The following RAB38 variants were observed in gnomAD, a reference collection of about 807,000 sequenced individuals.
The protein encoded by RAB38 is ras-related protein Rab-38.
RAB38 carries 15 observed loss-of-function variants against 18.4 expected under a neutral mutation model. That is an observed-to-expected ratio of 0.82 (90% CI 0.55 to 1.26). RAB38 has a LOEUF of 1.26. Among genes scored for constraint, RAB38 ranks in the 50% most tolerant of loss-of-function variants. RAB38 has a pLI of 0.00. For missense variants in RAB38, 294 were observed against 267.4 expected (o/e 1.10, Z -0.69); for synonymous variants, 101 against 104.4 (o/e 0.97, Z 0.20).
At chr11:87,846,546 T>C in the RAB38 span, among the ~76,000 whole-genome samples, 4 of 152,140 alleles carry the variant, frequency 2.6e-5, no homozygotes, top group East Asian at 7.7e-4. Context: ...AAAGCTTTGC[T>C]ATGCAGTACA....
At chr11:87,951,394 C>T in the RAB38 span, among the ~76,000 whole-genome samples, 6 of 152,278 alleles carry the variant, frequency 3.9e-5, no homozygotes, top group South Asian at 4.1e-4. Context: ...TGTCTCAACT[C>T]GTCAAAGTCA....
At chr11:87,955,167 A>G in the RAB38 span, among the ~76,000 whole-genome samples, 1 of 104,714 alleles carries the variant, frequency 9.5e-6, no homozygotes, top group African/African-American at 3.3e-5. Context: ...ATTGGCACAC[A>G]CTCTTCCACA....
At chr11:87,873,688 C>T in the RAB38 span, among the ~76,000 whole-genome samples, 1 of 151,266 alleles carries the variant, frequency 6.6e-6, no homozygotes, top group Non-Finnish European at 1.5e-5. Context: ...TCCAGTTGTC[C>T]TGGCACCATT....
chr11:88,108,732 T>A (rs182767420), downstream of RAB38, among the ~76,000 whole-genome samples: 468 of 152,340 alleles, frequency 3.1e-3, 3 homozygotes, highest in Non-Finnish European at 5.4e-3. Flanking sequence ...AGTTTCTTCA[T>A]AGTGTCGATG....
At chr11:88,070,938 T>A in the RAB38 span, among the ~76,000 whole-genome samples, 3 of 152,318 alleles carry the variant, frequency 2.0e-5, no homozygotes, top group South Asian at 4.1e-4. Flanking sequence ...TATTTGGTAA[T>A]AGAACATCAG....
chr11:88,078,553 G>A, the RAB38 span, among the ~76,000 whole-genome samples: 3 of 150,230 alleles, frequency 2.0e-5, no homozygotes, highest in Non-Finnish European at 3.0e-5. Context: ...TAAAACAGAA[G>A]AAAATCTTAT....
intron 2 of RAB38, among the ~76,000 whole-genome samples, chr11:88,115,285 T>G (rs1326950554): frequency 6.6e-6 from 1 of 152,220 alleles, no homozygotes; most frequent in Non-Finnish European, 1.5e-5. Flanking sequence ...GTTAAAATGT[T>G]TTACTACAGA....
the RAB38 span, among the ~76,000 whole-genome samples, chr11:87,944,338 C>T: frequency 8.8e-4 from 134 of 152,160 alleles, no homozygotes; most frequent in African/African-American, 3.1e-3. Flanking sequence ...AAATGAAGCA[C>T]GTTTGTATTT....
chr11:87,885,525 G>C, the RAB38 span, among the ~76,000 whole-genome samples: 3 of 151,996 alleles, frequency 2.0e-5, no homozygotes, highest in African/African-American at 7.2e-5. Context: ...GTGTACTGCG[G>C]GTAAACACAT....
the RAB38 span, among the ~76,000 whole-genome samples, chr11:87,857,750 G>C: frequency 5.9e-5 from 9 of 152,260 alleles, no homozygotes; most frequent in Admixed American, 2.6e-4. Context: ...GTTCTTTGTA[G>C]ATTCTGGATA....
the RAB38 span, among the ~76,000 whole-genome samples, chr11:87,818,574 C>T: frequency 5.3e-5 from 8 of 152,128 alleles, no homozygotes; most frequent in Admixed American, 2.0e-4. Flanking sequence ...TCTATGCATA[C>T]ACCTCTCAAA....
At chr11:88,157,642 T>A (rs1440023591) in intron 1 of RAB38, among the ~76,000 whole-genome samples, 2 of 152,014 alleles carry the variant, frequency 1.3e-5, no homozygotes, top group Admixed American at 6.6e-5. Context: ...ACAATCATAC[T>A]CTTGAACCAC....
chr11:87,919,739 C>T, the RAB38 span, among the ~76,000 whole-genome samples: 2 of 151,880 alleles, frequency 1.3e-5, no homozygotes, highest in South Asian at 4.1e-4. Flanking sequence ...TGAGATTTTT[C>T]TGTGATGGGA....
chr11:87,805,765 G>GTA, the RAB38 span, among the ~76,000 whole-genome samples: 8 of 151,746 alleles, frequency 5.3e-5, no homozygotes, highest in South Asian at 2.1e-4. Context: ...ATATATGTGT[G>GTA]TATATATATA....
the RAB38 span, among the ~76,000 whole-genome samples, chr11:88,031,744 G>T: frequency 6.6e-6 from 1 of 151,954 alleles, no homozygotes; most frequent in Non-Finnish European, 1.5e-5. Flanking sequence ...ACAAACAAAT[G>T]GAAGAACATT....
the RAB38 span, among the ~76,000 whole-genome samples, chr11:87,830,248 G>C: frequency 6.6e-6 from 1 of 152,148 alleles, no homozygotes; most frequent in African/African-American, 2.4e-5. Flanking sequence ...AGGAGGCTGA[G>C]GCAGGAGGAT....
At chr11:88,007,273 TAAG>T in the RAB38 span, among the ~76,000 whole-genome samples, 1 of 151,892 alleles carries the variant, frequency 6.6e-6, no homozygotes, top group Admixed American at 6.6e-5. Flanking sequence ...GCAATACACT[TAAG>T]AATTAATTTT....
chr11:88,171,348 A>G (rs897575710), intron 1 of RAB38, among the ~76,000 whole-genome samples: 1 of 152,222 alleles, frequency 6.6e-6, no homozygotes, highest in African/African-American at 2.4e-5. Context: ...TACCCTGAGG[A>G]CAGTGATAAT....
chr11:87,955,822 C>G, the RAB38 span, among the ~76,000 whole-genome samples: 1,440 of 151,814 alleles, frequency 9.5e-3, 23 homozygotes, highest in African/African-American at 0.033. Flanking sequence ...GGTCATGCCT[C>G]ATAACTCATT....
Sources: gnomAD v4.1 joint callset for allele counts (sites outside exome capture counted in the v4.1 genomes callset) on GRCh38, gnomAD v4.1.1 for gene constraint, MANE v1.5 for transcripts, NCBI Gene and HGNC (gene_info 2026-07-23, HGNC 2026-07-21) for gene names.